The following CRISP1 variants were observed in gnomAD, a reference collection of about 807,000 sequenced individuals.
The protein encoded by CRISP1 is cysteine rich secretory protein 1, also known as cysteine-rich secretory protein 1.
CRISP1 carries 44 observed loss-of-function variants against 33.1 expected under a neutral mutation model. The observed-to-expected ratio is 1.33, with a 90% CI of 1.05 to 1.71. The LOEUF is 1.71. CRISP1 is among the 40% of genes most tolerant of loss of function. The pLI is 0.00. For missense variants in CRISP1, 390 were observed against 301.2 expected (o/e 1.29, Z -2.18); for synonymous variants, 103 against 98.7 (o/e 1.04, Z -0.26).
chr6:49,859,495 A>G (rs1467265625), intron 1 of CRISP1, among the ~76,000 whole-genome samples: 1 of 152,104 alleles, frequency 6.6e-6, no homozygotes, highest in African/African-American at 2.4e-5. Flanking sequence ...TTTTCCAGAC[A>G]AGCAAAAGCT....
chr6:49,871,687 A>G (rs912256424), intron 1 of CRISP1, among the ~76,000 whole-genome samples: 1 of 151,484 alleles, frequency 6.6e-6, no homozygotes, highest in African/African-American at 2.4e-5. Context: ...GCTGAGAATG[A>G]TGGTTTCCAG....
intron 4 of CRISP1, 143 bp downstream of exon 4, chr6:49,848,066 C>A (rs959536300): frequency 8.4e-6 from 4 of 476,764 alleles, no homozygotes; most frequent in African/African-American, 7.9e-5. Flanking sequence ...TGTAATAGTC[C>A]ACAATTCACT....
intron 1 of CRISP1, among the ~76,000 whole-genome samples, chr6:49,875,780 C>T (rs1267837751): frequency 6.6e-6 from 1 of 152,032 alleles, no homozygotes; most frequent in South Asian, 2.1e-4. Context: ...ACAAACCTGA[C>T]AAAAACAAGC....
upstream of CRISP1, among the ~76,000 whole-genome samples, chr6:49,868,637 T>C (rs1771854773): frequency 6.6e-6 from 1 of 152,196 alleles, no homozygotes; most frequent in South Asian, 2.1e-4. Context: ...ATATTCTGGC[T>C]GTGGCTTTAT....
At chr6:49,856,165 T>G (rs993137237) in intron 2 of CRISP1, among the ~76,000 whole-genome samples, 2 of 152,176 alleles carry the variant, frequency 1.3e-5, no homozygotes, top group Non-Finnish European at 2.9e-5. Context: ...TCTGGACTTT[T>G]AACTAGTGAT....
At chr6:49,852,764 A>AT (rs1318995910) in intron 2 of CRISP1, among the ~76,000 whole-genome samples, 5 of 151,700 alleles carry the variant, frequency 3.3e-5, no homozygotes, top group Admixed American at 2.6e-4. Context: ...TCATTTATTT[A>AT]TTTTTTATTC....
chr6:49,864,226 T>C (rs556214274), intron 1 of CRISP1, among the ~76,000 whole-genome samples: 1 of 152,292 alleles, frequency 6.6e-6, no homozygotes, highest in Admixed American at 6.5e-5. Flanking sequence ...GTTTGATTTG[T>C]TAATAACTGC....
upstream of CRISP1, among the ~76,000 whole-genome samples, chr6:49,870,634 T>G (rs1771901059): frequency 6.6e-6 from 1 of 152,182 alleles, no homozygotes; most frequent in Non-Finnish European, 1.5e-5. Context: ...ATTTATATGA[T>G]TTAATTTCTA....
chr6:49,846,835 G>T (rs546898947), intron 4 of CRISP1, among the ~76,000 whole-genome samples, 167 bp from the exon 5 acceptor site: 1 of 152,256 alleles, frequency 6.6e-6, no homozygotes, highest in South Asian at 2.1e-4. Context: ...TCTCATTGAT[G>T]AATGAGCATG....
intron 5 of CRISP1, among the ~76,000 whole-genome samples, chr6:49,845,911 T>G (rs1164511647): frequency 6.6e-6 from 1 of 152,114 alleles, no homozygotes; most frequent in Non-Finnish European, 1.5e-5. Context: ...GTTTCCAAAT[T>G]TATGAGGTAC....
intron 2 of CRISP1, 137 bp from the exon 3 acceptor site, chr6:49,852,266 C>G: frequency 8.1e-6 from 6 of 743,130 alleles, no homozygotes; most frequent in African/African-American, 1.8e-5. Context: ...TTTATAATGT[C>G]TCATTATATT....
At position 49,852,064 on chromosome 6, in the gene CRISP1, G is replaced by T. The variant is rs1488259414; in HGVS notation, c.132C>A (p.Ile44=). ...VTDLPNVQEE[I]VNIHNALRRR... is the part of the protein sequence containing the mutation. The stretch of plus-strand genomic sequence containing the variant: ...TCCTGAGGGCGTTGTGTATATTAAC[G>T]ATCTCTTCTTGTACATTTGGCAAGT... Residue 44 remains isoleucine, a synonymous_variant, in exon 3 of 8, where the codon ATC becomes ATA. Transcript: ENST00000335847. 6.2e-7 allele frequency: 1 copy of T among 1,613,292 alleles called. No individual in the cohort carries two copies. The highest frequency in any genetic ancestry group is 1.7e-5 in the Admixed American group (1 of 59,894).
intron 5 of CRISP1, among the ~76,000 whole-genome samples, chr6:49,844,207 A>G (rs955810767): frequency 1.3e-5 from 2 of 152,196 alleles, no homozygotes; most frequent in African/African-American, 4.8e-5. Flanking sequence ...CACCATGGAT[A>G]TGATTTATGG....
At chr6:49,852,321 A>C (rs1343824059) in intron 2 of CRISP1, among the ~76,000 whole-genome samples, 192 bp from the exon 3 acceptor site, 2 of 152,182 alleles carry the variant, frequency 1.3e-5, no homozygotes, top group Admixed American at 6.6e-5. Context: ...TCTCAACGTC[A>C]GGCTGACATC....
chr6:49,848,122 T>A (rs1248985558), intron 4 of CRISP1, 87 bp downstream of exon 4: 1 of 710,236 alleles, frequency 1.4e-6, no homozygotes, highest in Non-Finnish European at 2.3e-6. Flanking sequence ...ATGACTTAAT[T>A]TACTTTCATC....
rs1303094665 is a variant in CRISP1, at chr6:49,841,065, CA to C, written c.436-71del. The C allele has an allele frequency of 6.9e-6, 9 of 1,304,954 alleles. No homozygotes were observed. The African/African-American group carries it at 1.3e-4, about 19-fold the overall frequency. 80.8% of individuals were successfully genotyped at this position (1,304,954 alleles called of 1,614,324 possible). ...TAAATGACTATAATATCCATATTGT[CA>C]TCCATGATTAAAAGTAAACATGTTG... On this transcript the variant is annotated intron_variant, in intron 5 of 7. Transcript: ENST00000335847.
intron 1 of CRISP1, among the ~76,000 whole-genome samples, chr6:49,865,966 A>G (rs757443581): frequency 6.6e-6 from 1 of 152,144 alleles, no homozygotes; most frequent in Non-Finnish European, 1.5e-5. Context: ...TTTAATCGCC[A>G]TTATCCATTA....
Position 49,846,586 on chromosome 6 carries a change from A to G in CRISP1, c.369T>C (p.Ser123=), listed in dbSNP as rs369617106. The G allele has an allele frequency of 8.1e-6, 13 of 1,613,536 alleles. No individual in the cohort carries two copies. The highest frequency in any genetic ancestry group is 9.3e-6 in the Non-Finnish European group (11 of 1,179,732). The change falls in exon 5 of 8, where the codon TCT becomes TCC. Residue 123 remains serine, a synonymous_variant. Transcript: ENST00000335847. The part of the protein sequence containing the change: ...SSVIGVWYSE[S]TSFKHGEWTT... The stretch of plus-strand genomic sequence containing the variant: ...TCCATTCTCCATGTTTGAAACTTGT[A>G]GACTCACTGTACCAGACTCCAATTA...
In CRISP1 at chr6:49,848,306, T is replaced by C. The variant is rs1246108221; in HGVS notation, c.196-7A>G. 1.6e-5 allele frequency: 25 copies of C among 1,545,990 alleles called. No individual in the cohort carries two copies. Among genetic ancestry groups the C allele is most frequent in the African/African-American group, 2.8e-5 (2 of 71,726 alleles). ...CAGCCTCTTCACTCCAACTCTGTAG[T>C]GGAAAGAAAAAAAAAGCACATGTTC... On this transcript the variant is annotated splice_polypyrimidine_tract_variant and splice_region_variant and intron_variant, in intron 3 of 7. Transcript: ENST00000335847.
Sources: gnomAD v4.1 joint callset for allele counts (sites outside exome capture counted in the v4.1 genomes callset) on GRCh38, gnomAD v4.1.1 for gene constraint, MANE v1.5 for transcripts, NCBI Gene and HGNC (gene_info 2026-07-23, HGNC 2026-07-21) for gene names.